The following DTNA variants were observed in gnomAD, a reference collection of about 807,000 sequenced individuals.
DTNA encodes the protein dystrophin-related protein 3.
In DTNA, 43 loss-of-function variants were observed where a neutral mutation model predicts 100.7. The observed-to-expected ratio is 0.43, with a 90% CI of 0.33 to 0.55. The LOEUF (loss-of-function observed/expected upper bound fraction) is 0.55. Among genes scored for constraint, DTNA ranks in the 20% least tolerant of loss-of-function variants. The pLI is 0.04. For synonymous variants in DTNA, 349 were observed against 347.9 expected (o/e 1.00, Z -0.04); for missense variants, 798 against 953.9 (o/e 0.84, Z 2.15).
chr18:34,732,221 G>A (rs548146354), intron 1 of DTNA, among the ~76,000 whole-genome samples: 1 of 152,184 alleles, frequency 6.6e-6, no homozygotes, highest in East Asian at 1.9e-4. Context: ...TTTCTTCATG[G>A]CAGGTATTTT....
chr18:34,861,876 GTTAC>G (rs2096632261), intron 16 of DTNA, among the ~76,000 whole-genome samples: 1 of 152,076 alleles, frequency 6.6e-6, no homozygotes, highest in South Asian at 2.1e-4. Flanking sequence ...AAAAACCGCA[GTTAC>G]TTTTGCACCA....
At chr18:34,872,165 C>T (rs1221068500) in intron 17 of DTNA, among the ~76,000 whole-genome samples, 5 of 152,106 alleles carry the variant, frequency 3.3e-5, no homozygotes, top group African/African-American at 9.7e-5. Flanking sequence ...CAAAAGTTGC[C>T]TTTGAGACCA....
At chr18:34,698,651 A>G (rs1249954318) in intron 1 of DTNA, among the ~76,000 whole-genome samples, 2 of 152,240 alleles carry the variant, frequency 1.3e-5, no homozygotes, top group Non-Finnish European at 2.9e-5. Flanking sequence ...AGGTCCCACA[A>G]TAGGCTGTCT....
At chr18:34,836,934 A>G (rs909678210) in intron 11 of DTNA, among the ~76,000 whole-genome samples, 18 of 152,054 alleles carry the variant, frequency 1.2e-4, no homozygotes, top group African/African-American at 4.3e-4. Flanking sequence ...ATAAATTTAT[A>G]TTTTTTAGTA....
intron 1 of DTNA, among the ~76,000 whole-genome samples, chr18:34,603,783 CTTA>C (rs762792337): frequency 3.9e-5 from 6 of 152,114 alleles, no homozygotes; most frequent in Non-Finnish European, 7.4e-5. Context: ...ATTTATTAGA[CTTA>C]TTATTTCTTT....
rs769341407 is a variant in DTNA at position 34,863,990 on chromosome 18, G to C, written c.1671G>C (p.Gln557His). ...LLRQRKDELE[Q>H]RMSALQESRR... ...GACAGCGCAAAGATGAGCTGGAACA[G>C]AGAATGTCTGCTCTCCAGGAGAGCC... is the stretch of plus-strand genomic sequence containing the variant. The change falls in exon 17 of 23, where the codon CAG (glutamine) becomes CAC (histidine). Residue 557 changes from glutamine (Q) to histidine (H), a missense_variant. Gln to His is a conservative substitution (Grantham distance 24). Transcript: ENST00000444659. The C allele has an allele frequency of 7.4e-6, 12 of 1,611,874 alleles. No homozygotes were observed. The highest frequency in any genetic ancestry group is 1.0e-5 in the Non-Finnish European group (12 of 1,179,126).
At chr18:34,623,899 G>A (rs1177255292) in intron 1 of DTNA, among the ~76,000 whole-genome samples, 1 of 152,174 alleles carries the variant, frequency 6.6e-6, no homozygotes, top group African/African-American at 2.4e-5. Flanking sequence ...GTCCTTAGAA[G>A]CTATTTTAAC....
intron 1 of DTNA, among the ~76,000 whole-genome samples, chr18:34,500,032 A>T (rs1056762567): frequency 6.6e-6 from 1 of 152,154 alleles, no homozygotes; most frequent in Non-Finnish European, 1.5e-5. Context: ...TGTTTTAGCT[A>T]TTCTAATTCC....
In DTNA at chr18:34,867,467, A is replaced by G. The variant is rs549554090; in HGVS notation, c.1743+3405A>G. On this transcript the variant is annotated intron_variant, in intron 17 of 22. Transcript: ENST00000444659. ...TTGCCCATGAATGCATACATGGGGT[A>G]TTGCTATTGTATTTCCAATACACTT... 217 of 1,219,672 alleles carry G rather than the reference A, an allele frequency of 1.8e-4. 1 individual carries two copies. The South Asian group carries it at 5.6e-3, about 32-fold the overall frequency. The allele number at this position is 1,219,672 out of a possible 1,614,324, so 75.6% of individuals were successfully genotyped here.
At chr18:34,555,940 T>C (rs1336750977) in intron 1 of DTNA, among the ~76,000 whole-genome samples, 10 of 151,660 alleles carry the variant, frequency 6.6e-5, no homozygotes, top group African/African-American at 2.2e-4. Flanking sequence ...ACTTTCTGTC[T>C]CGTTGATCTG....
intron 1 of DTNA, among the ~76,000 whole-genome samples, chr18:34,605,672 C>G (rs1417985022): frequency 7.0e-6 from 1 of 141,896 alleles, no homozygotes; most frequent in Non-Finnish European, 1.5e-5. Flanking sequence ...CACACACACA[C>G]AGTGCTTTTA....
intron 7 of DTNA, among the ~76,000 whole-genome samples, chr18:34,817,449 C>T (rs2095619977): frequency 1.3e-5 from 2 of 151,976 alleles, no homozygotes; most frequent in African/African-American, 2.4e-5. Context: ...TAGTATTTTG[C>T]TTTGCCTGCT....
chr18:34,669,542 C>G (rs911189204), intron 1 of DTNA, among the ~76,000 whole-genome samples: 5 of 152,124 alleles, frequency 3.3e-5, no homozygotes. Flanking sequence ...TACAATTTGT[C>G]ATGTTTTTGC....
At chr18:34,868,866 G>C (rs2096735898) in intron 17 of DTNA, 1 of 795,058 alleles carries the variant, frequency 1.3e-6, no homozygotes, top group South Asian at 5.7e-5. Context: ...TTTATTGAAG[G>C]AACCATAAAA....
chr18:34,772,088 A>G (rs1023170951), intron 3 of DTNA, among the ~76,000 whole-genome samples: 1 of 152,202 alleles, frequency 6.6e-6, no homozygotes, highest in Non-Finnish European at 1.5e-5. Context: ...CAAAATTAAG[A>G]AGGCAAGGGA....
chr18:34,756,505 A>G (rs577787525), intron 2 of DTNA, among the ~76,000 whole-genome samples: 1 of 152,338 alleles, frequency 6.6e-6, no homozygotes, highest in African/African-American at 2.4e-5. Flanking sequence ...AGGAGAAGTT[A>G]GGCACAATTA....
intron 13 of DTNA, among the ~76,000 whole-genome samples, chr18:34,847,678 C>G (rs935472589): frequency 6.6e-6 from 1 of 152,148 alleles, no homozygotes; most frequent in African/African-American, 2.4e-5. Flanking sequence ...GACCTGACAG[C>G]TATTTTCCCA....
chr18:34,521,432 T>G (rs1484674253), intron 1 of DTNA, among the ~76,000 whole-genome samples: 1 of 152,192 alleles, frequency 6.6e-6, no homozygotes, highest in African/African-American at 2.4e-5. Context: ...AGAATAATCA[T>G]GCAAAAGTAT....
intron 18 of DTNA, among the ~76,000 whole-genome samples, chr18:34,876,630 G>A (rs2096821487): frequency 6.6e-6 from 1 of 152,052 alleles, no homozygotes; most frequent in Non-Finnish European, 1.5e-5. Context: ...TAATATCCAG[G>A]GATAGCAAAA....
Sources: gnomAD v4.1 joint callset for allele counts (sites outside exome capture counted in the v4.1 genomes callset) on GRCh38, gnomAD v4.1.1 for gene constraint, MANE v1.5 for transcripts, NCBI Gene and HGNC (gene_info 2026-07-23, HGNC 2026-07-21) for gene names.